NEGR1: variants seen among roughly 807,000 people sequenced by gnomAD.
The protein encoded by NEGR1 is neuronal growth regulator 1.
Under a neutral mutation model 40.9 loss-of-function variants are expected in NEGR1, and 10 were observed. The ratio of observed to expected loss-of-function variants is 0.24; its 90% CI spans 0.15 to 0.42. The LOEUF (loss-of-function observed/expected upper bound fraction) is 0.42, where lower values mean the gene tolerates loss of function less well. Ranked by LOEUF, NEGR1 falls within the 10% of genes least tolerant of loss-of-function variation. The pLI, the probability that NEGR1 is intolerant of heterozygous loss-of-function variation, is 1.00. For synonymous variants in NEGR1, 185 were observed against 166.8 expected, an observed-to-expected ratio of 1.11 and a Z score of -0.84; for missense variants, 352 against 438.9, an observed-to-expected ratio of 0.80 and a Z score of 1.77.
intron 6 of NEGR1, among the ~76,000 whole-genome samples, chr1:71,505,297 CT>C (rs1162684215): frequency 1.3e-5 from 2 of 150,410 alleles, no homozygotes; most frequent in African/African-American, 4.9e-5. Flanking sequence ...CTTTTTTTTT[CT>C]TTTTTTTGAG....
intron 2 of NEGR1, among the ~76,000 whole-genome samples, chr1:71,811,627 T>A (rs944589452): frequency 1.9e-4 from 29 of 150,914 alleles, no homozygotes; most frequent in Admixed American, 1.4e-3. Flanking sequence ...CTTATAATTA[T>A]ATGTACTCTT....
At chr1:71,634,440 A>G (rs1479955431) in intron 4 of NEGR1, among the ~76,000 whole-genome samples, 11 of 152,056 alleles carry the variant, frequency 7.2e-5, no homozygotes, top group Non-Finnish European at 1.5e-5. Context: ...GCTTTGAACT[A>G]TACTGGCACA....
At chr1:71,782,518 T>C (rs557012564) in intron 2 of NEGR1, among the ~76,000 whole-genome samples, 87 of 152,266 alleles carry the variant, frequency 5.7e-4, no homozygotes, top group Admixed American at 1.8e-3. Context: ...CTTCATTTGT[T>C]TATTATCTGT....
chr1:71,803,189 C>T (rs1657623431), intron 2 of NEGR1, among the ~76,000 whole-genome samples: 1 of 151,956 alleles, frequency 6.6e-6, no homozygotes, highest in Non-Finnish European at 1.5e-5. Context: ...GACTGATGTC[C>T]TTATAGTAAG....
At chr1:71,462,312 G>A (rs1448609605) in intron 6 of NEGR1, among the ~76,000 whole-genome samples, 1 of 152,114 alleles carries the variant, frequency 6.6e-6, no homozygotes, top group Non-Finnish European at 1.5e-5. Flanking sequence ...AGATTTTAAA[G>A]CTGGTATTTG....
In NEGR1 at chr1:72,192,788, AT is replaced by A. The variant is rs1477525076; in HGVS notation, c.176+89530del. ...GTTTATGGATTATAGAGTTTATCAT[AT>A]CCAGATATTTATAAATATCATTAAA... On this transcript the variant is annotated intron_variant, in intron 1 of 6. Coordinates refer to ENST00000357731, the MANE Select transcript of NEGR1 (RefSeq NM_173808.3). 6.4e-4 allele frequency among the ~76,000 whole-genome samples: 98 copies of A among 151,996 alleles called. 1 individual carries two copies. Among genetic ancestry groups the A allele is most frequent in the Non-Finnish European group, 5.2e-4 (35 of 67,882 alleles).
At chr1:71,894,180 A>T (rs12759270) in intron 2 of NEGR1, among the ~76,000 whole-genome samples, 1,629 of 144,484 alleles carry the variant, frequency 0.011, 15 homozygotes, top group Non-Finnish European at 0.019. Flanking sequence ...TATGTAACTA[A>T]CCTGCACAAT....
chr1:71,729,517 G>A (rs1387446003), intron 3 of NEGR1, among the ~76,000 whole-genome samples: 1 of 152,008 alleles, frequency 6.6e-6, no homozygotes, highest in Non-Finnish European at 1.5e-5. Context: ...TTTGGCATGG[G>A]GTAGGCTTTT....
chr1:72,145,000 C>A (rs1212150738), intron 1 of NEGR1, among the ~76,000 whole-genome samples: 1 of 152,036 alleles, frequency 6.6e-6, no homozygotes, highest in Non-Finnish European at 1.5e-5. Context: ...GCAACAGAAA[C>A]CCTTGTTAAA....
chr1:71,983,035 A>G (rs77547904), intron 1 of NEGR1, among the ~76,000 whole-genome samples: 76 of 152,240 alleles, frequency 5.0e-4, no homozygotes, highest in African/African-American at 1.4e-3. Context: ...TGCACATGCT[A>G]CCTGGATTTA....
intron 2 of NEGR1, among the ~76,000 whole-genome samples, chr1:71,786,778 T>A (rs1411868481): frequency 6.6e-6 from 1 of 152,214 alleles, no homozygotes; most frequent in Non-Finnish European, 1.5e-5. Context: ...CATATTAAAT[T>A]GGAGTAGGCT....
At chr1:71,766,891 T>C (rs1041834185) in intron 3 of NEGR1, among the ~76,000 whole-genome samples, 13 of 152,166 alleles carry the variant, frequency 8.5e-5, no homozygotes, top group African/African-American at 2.9e-4. Context: ...TCTCTTGCTC[T>C]TGCTTTGTCC....
At chr1:72,252,362 A>C (rs1655131118) in intron 1 of NEGR1, among the ~76,000 whole-genome samples, 1 of 152,074 alleles carries the variant, frequency 6.6e-6, no homozygotes, top group Non-Finnish European at 1.5e-5. Context: ...TACTTCTTAA[A>C]GGTTTGTCTA....
intron 6 of NEGR1, among the ~76,000 whole-genome samples, chr1:71,561,214 A>G (rs1392241063): frequency 1.3e-5 from 2 of 151,734 alleles, no homozygotes; most frequent in Non-Finnish European, 3.0e-5. Context: ...TATCATAAAC[A>G]TGATTAAAGC....
At chr1:71,873,628 C>T (rs893723902) in intron 2 of NEGR1, among the ~76,000 whole-genome samples, 1 of 152,100 alleles carries the variant, frequency 6.6e-6, no homozygotes, top group Non-Finnish European at 1.5e-5. Context: ...AATATTCACA[C>T]TTTATTGTTG....
At chr1:71,947,621 C>G (rs1646033160) in intron 1 of NEGR1, among the ~76,000 whole-genome samples, 2 of 152,116 alleles carry the variant, frequency 1.3e-5, no homozygotes. Context: ...TTTAAATAGC[C>G]TCTTTGTTTA....
intron 3 of NEGR1, among the ~76,000 whole-genome samples, chr1:71,722,757 A>G (rs955378889): frequency 2.1e-4 from 32 of 152,268 alleles, no homozygotes; most frequent in Admixed American, 1.8e-3. Flanking sequence ...AGAAATAACC[A>G]TAATACAATA....
chr1:71,526,543 G>A (rs1647218929), intron 6 of NEGR1, among the ~76,000 whole-genome samples: 2 of 151,388 alleles, frequency 1.3e-5, no homozygotes, highest in Admixed American at 6.6e-5. Flanking sequence ...ACCACCCACA[G>A]AGAGAGGTGG....
intron 1 of NEGR1, among the ~76,000 whole-genome samples, chr1:72,126,100 T>C (rs1436365360): frequency 3.3e-5 from 3 of 90,240 alleles, no homozygotes; most frequent in African/African-American, 9.8e-5. Context: ...TATGTGTGTG[T>C]GTGTGTGTGT....
Sources: gnomAD v4.1 joint callset for allele counts (sites outside exome capture counted in the v4.1 genomes callset) on GRCh38, gnomAD v4.1.1 for gene constraint, MANE v1.5 for transcripts, NCBI Gene and HGNC (gene_info 2026-07-23, HGNC 2026-07-21) for gene names.